The following TMOD1 variants were observed in gnomAD, a reference collection of about 807,000 sequenced individuals.
TMOD1 encodes tropomodulin-1.
In TMOD1, 17 loss-of-function variants were observed where a neutral mutation model predicts 40.6. The ratio of observed to expected loss-of-function variants is 0.42; its 90% confidence interval spans 0.29 to 0.63. The LOEUF is 0.63. Ranked by LOEUF, TMOD1 falls within the 20% of genes least tolerant of loss-of-function variation. The pLI, the probability that TMOD1 is intolerant of heterozygous loss-of-function variation, is 0.22. For missense variants in TMOD1, 391 were observed against 447.6 expected (o/e 0.87, Z 1.14); for synonymous variants, 181 against 175.0 (o/e 1.03, Z -0.27).
chr9:97,506,593 C>A (rs560569226), intron 1 of TMOD1, among the ~76,000 whole-genome samples: 1 of 152,334 alleles, frequency 6.6e-6, no homozygotes, highest in Non-Finnish European at 1.5e-5. Flanking sequence ...CTCCTATCAG[C>A]CCCATCATGA....
chr9:97,569,291 A>G (rs916703249), intron 8 of TMOD1, among the ~76,000 whole-genome samples: 1 of 152,156 alleles, frequency 6.6e-6, no homozygotes, highest in Non-Finnish European at 1.5e-5. Context: ...TACCAACATC[A>G]TCACTTCCAT....
chr9:97,511,602 G>C (rs1216186397), intron 1 of TMOD1, among the ~76,000 whole-genome samples: 1 of 152,070 alleles, frequency 6.6e-6, no homozygotes, highest in Non-Finnish European at 1.5e-5. Flanking sequence ...TTGTTTGTTT[G>C]TTTTTTGTGT....
intron 8 of TMOD1, among the ~76,000 whole-genome samples, chr9:97,575,758 C>G (rs994820635): frequency 6.6e-6 from 1 of 152,146 alleles, no homozygotes; most frequent in African/African-American, 2.4e-5. Context: ...CCAGGATACA[C>G]CTTGTAACAC....
chr9:97,539,741 C>T (rs1276391181), intron 2 of TMOD1, among the ~76,000 whole-genome samples: 2 of 152,000 alleles, frequency 1.3e-5, no homozygotes, highest in African/African-American at 2.4e-5. Context: ...CCGAGGCGGG[C>T]GGATCACGAG....
At chr9:97,532,027 A>G (rs552714334) in intron 2 of TMOD1, among the ~76,000 whole-genome samples, 1 of 152,106 alleles carries the variant, frequency 6.6e-6, no homozygotes, top group African/African-American at 2.4e-5. Flanking sequence ...TTGTGCCCCA[A>G]ATCATATCCT....
At chr9:97,572,681 G>A (rs555342679) in intron 8 of TMOD1, among the ~76,000 whole-genome samples, 14 of 152,250 alleles carry the variant, frequency 9.2e-5, no homozygotes, top group African/African-American at 3.1e-4. Flanking sequence ...GTTAGTCACC[G>A]AGGTCCTTGG....
At chr9:97,559,797 ATATATAT>A (rs1830601702) in intron 4 of TMOD1, among the ~76,000 whole-genome samples, 1 of 57,282 alleles carries the variant, frequency 1.7e-5, no homozygotes, top group Admixed American at 2.1e-4. Context: ...AAAAAAAAAT[ATATATAT>A]ATATATATAT....
chr9:97,550,021 C>A (rs1830424178), intron 3 of TMOD1, among the ~76,000 whole-genome samples: 1 of 152,150 alleles, frequency 6.6e-6, no homozygotes. Flanking sequence ...AAAATAAAAC[C>A]CTGTACCTAT....
At chr9:97,558,338 A>G (rs1830564548) in intron 4 of TMOD1, among the ~76,000 whole-genome samples, 1 of 152,164 alleles carries the variant, frequency 6.6e-6, no homozygotes, top group African/African-American at 2.4e-5. Context: ...AAAAGCCACA[A>G]GAGTCTTTGC....
intron 1 of TMOD1, among the ~76,000 whole-genome samples, chr9:97,506,984 T>G (rs957980405): frequency 6.6e-6 from 1 of 152,228 alleles, no homozygotes; most frequent in Non-Finnish European, 1.5e-5. Context: ...TAAGCTCTAA[T>G]AAACATCTAG....
rs1830691824 is a variant in TMOD1 at position 97,564,227 on chromosome 9, C to T, written c.618+59C>T. The T allele has an allele frequency of 2.6e-6, 4 of 1,541,308 alleles. No homozygotes were observed. The Admixed American group carries it at 8.0e-5, about 31-fold the overall frequency. The stretch of plus-strand genomic sequence containing the variant: ...GGCTGGGGGAGGGGGAACCATGTCA[C>T]CCAAATGCAAACGGTCCAGGGTTGG... On this transcript the variant is annotated intron_variant, in intron 6 of 9. Coordinates refer to ENST00000259365, the MANE Select transcript of TMOD1 (RefSeq NM_003275.4).
intron 9 of TMOD1, among the ~76,000 whole-genome samples, chr9:97,594,623 A>G (rs1312177314): frequency 2.0e-5 from 3 of 152,202 alleles, no homozygotes. Flanking sequence ...TGAGTCCCCA[A>G]GGCTATGAGG....
chr9:97,591,697 G>C (rs923858594), intron 9 of TMOD1, among the ~76,000 whole-genome samples: 1 of 152,204 alleles, frequency 6.6e-6, no homozygotes, highest in East Asian at 1.9e-4. Context: ...GCACACTTAA[G>C]TGTGTTTGCA....
In TMOD1 at chr9:97,502,912, C is replaced by T. The variant is rs1829528474; in HGVS notation, c.-49+1109C>T. On this transcript the variant is annotated intron_variant, in intron 1 of 9. Transcript: ENST00000259365. This position sits in a 1 kb window ranked among gnomAD's most constrained non-coding sequence, Gnocchi z 6.1. ...CCCGGTCTATATCGGGCCTATGATGCGTCCTCCAACCTGCGCAGCGCCGCC... is the reference window on the plus strand; with the variant it reads ...CCCGGTCTATATCGGGCCTATGATGTGTCCTCCAACCTGCGCAGCGCCGCC... Among the ~76,000 whole-genome samples, 2 of 152,120 alleles carry T rather than the reference C, an allele frequency of 1.3e-5. No homozygotes were observed. The highest frequency in any genetic ancestry group is 2.1e-4 in the South Asian group (1 of 4,828).
chr9:97,514,893 A>AG (rs1829775693), intron 1 of TMOD1, among the ~76,000 whole-genome samples: 3 of 152,236 alleles, frequency 2.0e-5, no homozygotes, highest in South Asian at 4.1e-4. Flanking sequence ...AACCGTGGGA[A>AG]GGGGAAATGC....
At chr9:97,556,504 G>A (rs753845832) in intron 4 of TMOD1, among the ~76,000 whole-genome samples, 8 of 152,098 alleles carry the variant, frequency 5.3e-5, no homozygotes, top group Admixed American at 6.5e-5. Flanking sequence ...GGAGGACATG[G>A]GGCGTCCAGG....
At chr9:97,580,459 A>C (rs572238997) in intron 8 of TMOD1, among the ~76,000 whole-genome samples, 2 of 152,264 alleles carry the variant, frequency 1.3e-5, no homozygotes, top group South Asian at 4.1e-4. Context: ...ACAAAAAATT[A>C]GCTGAGTGTG....
chr9:97,554,869 G>T (rs1169037192), intron 4 of TMOD1, among the ~76,000 whole-genome samples: 4 of 152,174 alleles, frequency 2.6e-5, no homozygotes, highest in African/African-American at 4.8e-5. Context: ...GGATGTGCAG[G>T]GGCAGTGAGA....
intron 1 of TMOD1, among the ~76,000 whole-genome samples, chr9:97,503,569 G>A (rs891422077): frequency 1.3e-5 from 2 of 152,152 alleles, no homozygotes; most frequent in Non-Finnish European, 2.9e-5. Flanking sequence ...TTACAAACCC[G>A]TGTTTTAGAG....
Sources: allele counts gnomAD v4.1 joint callset (sites outside exome capture counted in the v4.1 genomes callset), GRCh38; gene constraint gnomAD v4.1.1; non-coding constraint Gnocchi (gnomAD v3.1); transcripts MANE v1.5; gene names NCBI Gene and HGNC (gene_info 2026-07-23, HGNC 2026-07-21).